Variants in NAV2 observed in about 807,000 individuals in gnomAD.
NAV2 encodes neuron navigator 2.
Under a neutral mutation model 223.2 loss-of-function variants are expected in NAV2, and 54 were observed. That is an observed-to-expected ratio of 0.24 (90% CI 0.19 to 0.30). NAV2 has a LOEUF of 0.30. NAV2 is among the 10% of genes least tolerant of loss of function. The pLI is 1.00. For missense variants in NAV2, 2,806 were observed against 3,147.5 expected, an observed-to-expected ratio of 0.89 and a Z score of 2.60; for synonymous variants, 1,279 against 1,239.3, an observed-to-expected ratio of 1.03 and a Z score of -0.67.
At chr11:19,930,008 ACT>A (rs1263025195) in intron 6 of NAV2, among the ~76,000 whole-genome samples, 1 of 151,934 alleles carries the variant, frequency 6.6e-6, no homozygotes, top group Non-Finnish European at 1.5e-5. Context: ...CACTTTTTAC[ACT>A]GTTTTCATGG....
At chr11:19,375,866 T>A (rs1439012413) in intron 1 of NAV2, among the ~76,000 whole-genome samples, 1 of 152,182 alleles carries the variant, frequency 6.6e-6, no homozygotes, top group African/African-American at 2.4e-5. Flanking sequence ...TATTAGCCTT[T>A]CCACACAAGA....
chr11:19,934,097 C>A lies in NAV2; in HGVS notation c.1853C>A (p.Ser618Tyr), dbSNP rs1321120495. The change falls in exon 7 of 38, where the codon TCC becomes TAC. Residue 618 changes from serine (S) to tyrosine (Y), a missense_variant. Physicochemically the swap from Ser to Tyr is moderately radical, Grantham distance 144. Around this residue, in one of 4 missense-constraint regions of NAV2, gnomAD observed 1,167 missense variants for 1,180.5 expected, o/e 0.99. Coordinates refer to ENST00000349880, the MANE Select transcript of NAV2 (RefSeq NM_145117.5). Reference protein sequence around the residue: ...RHSSSSSSLASSEGKGPGGTT... With the variant: ...RHSSSSSSLAYSEGKGPGGTT... ...TCCAGTTCCTCTTCCAGCCTGGCGTCCTCAGAAGGAAAAGGCCCAGGAGGG... is the reference window on the plus strand; with the variant it reads ...TCCAGTTCCTCTTCCAGCCTGGCGTACTCAGAAGGAAAAGGCCCAGGAGGG... 1.8e-5 allele frequency: 29 copies of A among 1,613,470 alleles called. No individual in the cohort carries two copies. Among genetic ancestry groups the A allele is most frequent in the Non-Finnish European group, 2.5e-5 (29 of 1,179,754 alleles).
At position 19,630,362 on chromosome 11, in the gene NAV2, G is replaced by A. The variant is rs75383218; in HGVS notation, c.76-202122G>A. ...TTTCTGACACTGAGAAGGTCATTTA[G>A]CTTCTCCAGATTTTTGTTTTCTCAT... On this transcript the variant is annotated intron_variant, in intron 1 of 37. Coordinates refer to the NAV2 transcript ENST00000360655. Among the ~76,000 whole-genome samples, 683 of 152,250 alleles carry A rather than the reference G, an allele frequency of 4.5e-3. 3 individuals are homozygous for A. The highest frequency in any genetic ancestry group is 0.014 in the African/African-American group (596 of 41,546).
intron 11 of NAV2, among the ~76,000 whole-genome samples, chr11:20,015,281 T>A (rs542518500): frequency 6.6e-6 from 1 of 152,316 alleles, no homozygotes; most frequent in East Asian, 1.9e-4. Flanking sequence ...CCTTATGGCC[T>A]TGGAGACAAT....
intron 1 of NAV2, among the ~76,000 whole-genome samples, chr11:19,828,967 A>T (rs1565387752): frequency 6.6e-6 from 1 of 152,204 alleles, no homozygotes; most frequent in African/African-American, 2.4e-5. Context: ...GTGGCTCTAT[A>T]ATCGCAGTGT....
chr11:20,102,061 G>C (rs1013949494), intron 32 of NAV2, among the ~76,000 whole-genome samples: 3 of 152,142 alleles, frequency 2.0e-5, no homozygotes, highest in Non-Finnish European at 4.4e-5. Flanking sequence ...AGTTCCCCAA[G>C]TAACTTGATG....
In NAV2 at chr11:19,713,858, C is replaced by G; in HGVS notation, c.163C>G (p.Gln55Glu). The G allele has an allele frequency of 6.2e-7, 1 of 1,613,694 alleles. No homozygotes were observed. The highest frequency in any genetic ancestry group is 8.5e-7 in the Non-Finnish European group (1 of 1,179,932). The change falls in exon 1 of 38, where the codon CAG becomes GAG. Residue 55 changes from glutamine to glutamate, a missense_variant. By Grantham distance (29) the Gln-to-Glu change is conservative. Around this residue, in one of 4 missense-constraint regions of NAV2, gnomAD observed 1,167 missense variants for 1,180.5 expected, o/e 0.99. Coordinates refer to ENST00000349880, the MANE Select transcript of NAV2 (RefSeq NM_145117.5). This position sits in a 1 kb window ranked among gnomAD's most constrained non-coding sequence, Gnocchi z 7.2. ...GGTGAGCAAGACCACCTATCCTAGC[C>G]AGATCCCCCTGAAATCGCAGGTGCT... ...VEVSKTTYPS[Q>E]IPLKSQVLQG...
chr11:19,630,328 C>T (rs2047307676), intron 1 of NAV2, among the ~76,000 whole-genome samples: 4 of 152,204 alleles, frequency 2.6e-5, no homozygotes, highest in African/African-American at 9.6e-5. Flanking sequence ...GCCTTTACTA[C>T]TTCTTGGTTT....
intron 1 of NAV2, among the ~76,000 whole-genome samples, chr11:19,554,341 C>G (rs1453715757): frequency 6.6e-6 from 1 of 152,176 alleles, no homozygotes; most frequent in African/African-American, 2.4e-5. Context: ...CTGTCTGATG[C>G]CAATGCCCAC....
intron 1 of NAV2, among the ~76,000 whole-genome samples, chr11:19,403,880 A>C (rs1372672079): frequency 3.9e-5 from 2 of 51,356 alleles, no homozygotes; most frequent in African/African-American, 9.9e-5. Context: ...GGACTCTCTG[A>C]TAAGTGACAT....
intron 1 of NAV2, among the ~76,000 whole-genome samples, chr11:19,752,324 ATGT>A (rs1425622808): frequency 2.6e-5 from 4 of 152,152 alleles, no homozygotes; most frequent in African/African-American, 9.7e-5. Context: ...GGCCACACTG[ATGT>A]TGTTTCCTGC....
At chr11:19,593,016 T>A (rs1251707909) in intron 1 of NAV2, among the ~76,000 whole-genome samples, 1 of 152,210 alleles carries the variant, frequency 6.6e-6, no homozygotes, top group Non-Finnish European at 1.5e-5. Flanking sequence ...AGTATTGTTC[T>A]GTGTCCTTTT....
intron 22 of NAV2, among the ~76,000 whole-genome samples, chr11:20,075,617 T>C (rs1489052374): frequency 6.6e-6 from 1 of 152,056 alleles, no homozygotes; most frequent in East Asian, 1.9e-4. Context: ...CTACTACAAG[T>C]AGAAATGCTC....
chr11:19,365,309 C>G (rs1418237019), intron 1 of NAV2, among the ~76,000 whole-genome samples: 1 of 152,198 alleles, frequency 6.6e-6, no homozygotes, highest in African/African-American at 2.4e-5. Context: ...CTTATTCTTT[C>G]TTCTCTCACT....
At chr11:19,387,005 C>T (rs1201245751) in intron 1 of NAV2, among the ~76,000 whole-genome samples, 1 of 152,112 alleles carries the variant, frequency 6.6e-6, no homozygotes, top group Non-Finnish European at 1.5e-5. Context: ...TGATCCAGGA[C>T]AAGAACTCAC....
intron 1 of NAV2, among the ~76,000 whole-genome samples, chr11:19,652,009 G>A (rs1272254825): frequency 6.6e-6 from 1 of 152,208 alleles, no homozygotes; most frequent in African/African-American, 2.4e-5. Flanking sequence ...GCGTAAGAAA[G>A]CTGTACTGCA....
chr11:19,855,666 C>G (rs2061375666), intron 3 of NAV2, among the ~76,000 whole-genome samples: 1 of 152,170 alleles, frequency 6.6e-6, no homozygotes, highest in Admixed American at 6.5e-5. Context: ...CTTGTGCATG[C>G]TTCTAGTGGG....
chr11:19,769,412 AT>A (rs2055520495), intron 1 of NAV2, among the ~76,000 whole-genome samples: 1 of 152,222 alleles, frequency 6.6e-6, no homozygotes. Flanking sequence ...TGGCACCTTC[AT>A]TTTGGGAGTT....
intron 1 of NAV2, among the ~76,000 whole-genome samples, chr11:19,797,675 G>T (rs1172355471): frequency 1.3e-5 from 2 of 152,148 alleles, no homozygotes; most frequent in Non-Finnish European, 2.9e-5. Context: ...GCCAGTTCTA[G>T]CACAATGGAT....
Sources: allele counts gnomAD v4.1 joint callset (sites outside exome capture counted in the v4.1 genomes callset), GRCh38; gene constraint gnomAD v4.1.1; regional missense constraint gnomAD v4.1.1; non-coding constraint Gnocchi (gnomAD v3.1); transcripts MANE v1.5; gene names NCBI Gene and HGNC (gene_info 2026-07-23, HGNC 2026-07-21).